The following CCSER2 variants were observed in gnomAD, a reference collection of about 807,000 sequenced individuals.
CCSER2 encodes the protein serine-rich coiled-coil domain-containing protein 2.
Under a neutral mutation model 92.3 loss-of-function variants are expected in CCSER2, and 46 were observed. The ratio of observed to expected loss-of-function variants is 0.50; its 90% CI spans 0.39 to 0.64. The LOEUF is 0.64. CCSER2 is among the 30% of genes least tolerant of loss of function. The pLI, the probability that CCSER2 is intolerant of heterozygous loss-of-function variation, is 0.00. For synonymous variants in CCSER2, 433 were observed against 431.4 expected (o/e 1.00, Z -0.04); for missense variants, 1,244 against 1,238.9 (o/e 1.00, Z -0.06).
At chr10:84,498,168 A>G (rs1029558893) in intron 9 of CCSER2, among the ~76,000 whole-genome samples, 4 of 152,238 alleles carry the variant, frequency 2.6e-5, no homozygotes, top group African/African-American at 2.4e-5. Context: ...TTCTTTACTT[A>G]GTAGTACAGT....
intron 5 of CCSER2, among the ~76,000 whole-genome samples, chr10:84,428,937 A>C (rs1400301597): frequency 6.9e-6 from 1 of 144,958 alleles, no homozygotes; most frequent in African/African-American, 2.6e-5. Flanking sequence ...ATGTTGTGTG[A>C]TTCAGTTTGC....
chr10:84,449,569 A>AG (rs1845142280), intron 6 of CCSER2, among the ~76,000 whole-genome samples: 1 of 152,050 alleles, frequency 6.6e-6, no homozygotes, highest in Non-Finnish European at 1.5e-5. Context: ...ATGCTAACGT[A>AG]GGGCTGGGGG....
intron 5 of CCSER2, among the ~76,000 whole-genome samples, chr10:84,436,045 C>G (rs1312296373): frequency 6.6e-6 from 1 of 151,978 alleles, no homozygotes; most frequent in Non-Finnish European, 1.5e-5. Flanking sequence ...AGAAGTCACT[C>G]TGGGCCCGGC....
At chr10:84,504,430 CT>C (rs1848935675) in intron 9 of CCSER2, among the ~76,000 whole-genome samples, 2 of 151,998 alleles carry the variant, frequency 1.3e-5, no homozygotes, top group African/African-American at 4.8e-5. Flanking sequence ...TAAGAGCCAG[CT>C]TTTCCTCAGT....
intron 3 of CCSER2, among the ~76,000 whole-genome samples, chr10:84,386,148 A>T (rs947579363): frequency 6.6e-6 from 1 of 152,236 alleles, no homozygotes; most frequent in African/African-American, 2.4e-5. Flanking sequence ...GAAAACTGAA[A>T]ATTAGTACAA....
chr10:84,441,812 A>G (rs1355797211), intron 6 of CCSER2, among the ~76,000 whole-genome samples: 4 of 123,654 alleles, frequency 3.2e-5, no homozygotes, highest in Admixed American at 1.1e-4. Flanking sequence ...GCTGGAGTGC[A>G]GTGGCGCGAT....
intron 3 of CCSER2, among the ~76,000 whole-genome samples, chr10:84,414,580 AT>A (rs765840361): frequency 6.6e-4 from 91 of 138,742 alleles, no homozygotes; most frequent in South Asian, 1.6e-3. Flanking sequence ...TGCCCTTAAC[AT>A]TTTTTTTTTT....
chr10:84,351,335 G>T (rs1419926034), intron 1 of CCSER2, among the ~76,000 whole-genome samples: 3 of 151,946 alleles, frequency 2.0e-5, no homozygotes, highest in Non-Finnish European at 4.4e-5. Flanking sequence ...AGGTTCAAGC[G>T]ATTCTTGTGC....
intron 9 of CCSER2, among the ~76,000 whole-genome samples, chr10:84,483,987 ATATAT>A (rs1847636776): frequency 2.4e-5 from 1 of 41,772 alleles, no homozygotes; most frequent in African/African-American, 1.2e-4. Context: ...ATATATATAT[ATATAT>A]ATATAATTTT....
intron 1 of CCSER2, among the ~76,000 whole-genome samples, chr10:84,341,604 C>T (rs769124529): frequency 6.6e-6 from 1 of 152,034 alleles, no homozygotes; most frequent in Non-Finnish European, 1.5e-5. Context: ...TCCAATCTAA[C>T]ACTGTCTACC....
At position 84,516,145 on chromosome 10, in the gene CCSER2, GTCTTTTAGTAGAAA is replaced by G. The variant is rs1849591030; in HGVS notation, c.*1880_*1893del. ...CCCTTTATAAGAAAAACAACAGCAA[GTCTTTTAGTAGAAA>G]TTTGAAAGAAGTGTTTGCTACCATT... is the stretch of plus-strand genomic sequence containing the variant. On this transcript the variant is annotated 3_prime_UTR_variant, in exon 10 of 10. Transcript: ENST00000372088. 6.6e-6 allele frequency: 1 copy of G among 152,154 alleles called. No homozygotes were observed. Among genetic ancestry groups the G allele is most frequent in the African/African-American group, 2.4e-5 (1 of 41,434 alleles). The allele number at this position is 152,154 out of a possible 1,614,324, so 9.4% of individuals were successfully genotyped here.
intron 3 of CCSER2, chr10:84,391,684 T>C (rs1002648892): frequency 1.5e-5 from 23 of 1,525,952 alleles, no homozygotes; most frequent in African/African-American, 4.1e-5. Flanking sequence ...TGTTAGAGAA[T>C]ACAGCAATAA....
chr10:84,365,122 A>G (rs1375732266), intron 1 of CCSER2, among the ~76,000 whole-genome samples: 1 of 152,200 alleles, frequency 6.6e-6, no homozygotes, highest in Non-Finnish European at 1.5e-5. Flanking sequence ...AAACTAAAAA[A>G]AAACTGACAT....
At chr10:84,446,974 C>T (rs949365270) in intron 6 of CCSER2, among the ~76,000 whole-genome samples, 22 of 151,310 alleles carry the variant, frequency 1.5e-4, no homozygotes, top group African/African-American at 4.4e-4. Flanking sequence ...AATCTATGAA[C>T]GAAACATAAT....
chr10:84,405,011 A>G (rs1842308319), intron 3 of CCSER2, among the ~76,000 whole-genome samples: 1 of 152,220 alleles, frequency 6.6e-6, no homozygotes, highest in Non-Finnish European at 1.5e-5. Flanking sequence ...GAATCCCAGC[A>G]GGAGTACCAA....
At chr10:84,368,331 C>T (rs946969505) in intron 1 of CCSER2, among the ~76,000 whole-genome samples, 7 of 151,724 alleles carry the variant, frequency 4.6e-5, no homozygotes, top group African/African-American at 1.7e-4. Context: ...TTTATAAGTT[C>T]TTAGTTTAAA....
intron 3 of CCSER2, among the ~76,000 whole-genome samples, chr10:84,400,768 G>A (rs919396889): frequency 6.6e-6 from 1 of 152,026 alleles, no homozygotes; most frequent in Non-Finnish European, 1.5e-5. Context: ...ACAAAAATTA[G>A]CCTGGTGTGG....
chr10:84,342,068 C>A (rs1005855648), intron 1 of CCSER2, among the ~76,000 whole-genome samples: 1 of 152,112 alleles, frequency 6.6e-6, no homozygotes, highest in African/African-American at 2.4e-5. Context: ...CCCCTTCCCC[C>A]CCCTGGAGGT....
At chr10:84,473,845 G>C (rs933492179) in intron 8 of CCSER2, among the ~76,000 whole-genome samples, 1 of 152,112 alleles carries the variant, frequency 6.6e-6, no homozygotes, top group Admixed American at 6.6e-5. Context: ...TATCCAAAAT[G>C]TGAAGGTTTT....
Sources: gnomAD v4.1 joint callset for allele counts (sites outside exome capture counted in the v4.1 genomes callset) on GRCh38, gnomAD v4.1.1 for gene constraint, MANE v1.5 for transcripts, NCBI Gene and HGNC (gene_info 2026-07-23, HGNC 2026-07-21) for gene names.